BRD7: variants seen among roughly 807,000 people sequenced by gnomAD.
The protein encoded by BRD7 is bromodomain containing 7.
Under a neutral mutation model 82.1 loss-of-function variants are expected in BRD7, and 15 were observed. The ratio of observed to expected loss-of-function variants is 0.18; its 90% confidence interval spans 0.12 to 0.28. BRD7 has a LOEUF of 0.28. Among genes scored for constraint, BRD7 ranks in the 10% least tolerant of loss-of-function variants. The pLI, the probability that BRD7 is intolerant of heterozygous loss-of-function variation, is 1.00. For synonymous variants in BRD7, 232 were observed against 266.9 expected (o/e 0.87, Z 1.27); for missense variants, 638 against 779.9 (o/e 0.82, Z 2.17).
rs148860109 is a variant in BRD7, at chr16:50,365,637, G to A, written c.258+2453C>T. On this transcript the variant is annotated intron_variant, in intron 2 of 16. Coordinates refer to ENST00000394688, the MANE Select transcript of BRD7 (RefSeq NM_013263.5). ...AAGAATATACTGCATCTAAAACCAA[G>A]AACAGGGTGCTAATTCAAAAAGGAC... is the stretch of plus-strand genomic sequence containing the variant. 1.9e-4 allele frequency among the ~76,000 whole-genome samples: 29 copies of A among 152,184 alleles called. 1 individual carries two copies. The highest frequency in any genetic ancestry group is 7.0e-4 in the African/African-American group (29 of 41,516).
At chr16:50,323,310 C>T (rs1399724579) in intron 12 of BRD7, among the ~76,000 whole-genome samples, 1 of 152,216 alleles carries the variant, frequency 6.6e-6, no homozygotes, top group Non-Finnish European at 1.5e-5. Context: ...TTAGAGGACA[C>T]AATGCCCACT....
chr16:50,325,724 T>C (rs1407610988), intron 11 of BRD7, 24 bp downstream of exon 11: 1 of 1,569,792 alleles, frequency 6.4e-7, no homozygotes, highest in South Asian at 1.2e-5. Flanking sequence ...ACAAATGTAA[T>C]CAGAATATTA....
intron 7 of BRD7, among the ~76,000 whole-genome samples, chr16:50,334,296 G>A (rs887506917): frequency 6.6e-6 from 1 of 152,158 alleles, no homozygotes; most frequent in Admixed American, 6.5e-5. Context: ...GGAAAACATG[G>A]GCACGCTGCA....
Position 50,325,527 on chromosome 16 carries a change from T to A in BRD7, c.1331+221A>T, listed in dbSNP as rs185099335. On this transcript the variant is annotated intron_variant, in intron 11 of 16. Transcript: ENST00000394688. Reference sequence around the variant, plus strand: ...TACAGTCTCTTTAAAAATATATTTTTTAAAAATTAAAATACTGCAGATGCT... The same window carrying A: ...TACAGTCTCTTTAAAAATATATTTTATAAAAATTAAAATACTGCAGATGCT... Among the ~76,000 whole-genome samples, 497 of 152,252 alleles carry A rather than the reference T, an allele frequency of 3.3e-3. 10 individuals are homozygous for A. The highest frequency in any genetic ancestry group is 0.023 in the Admixed American group (347 of 15,300).
rs114620242 is a variant in BRD7 at position 50,344,455 on chromosome 16, T to C, written c.592-4369A>G. On this transcript the variant is annotated intron_variant, in intron 5 of 16. Coordinates refer to ENST00000394688, the MANE Select transcript of BRD7 (RefSeq NM_013263.5). Reference sequence around the variant, plus strand: ...GAAGAATGCTTCAGACGATCAGTAATAACAAACTTCTCTGAGCTCAAGGAA... The same window carrying C: ...GAAGAATGCTTCAGACGATCAGTAACAACAAACTTCTCTGAGCTCAAGGAA... Among the ~76,000 whole-genome samples the C allele has an allele frequency of 8.9e-3, 1,355 of 152,176 alleles. 20 individuals are homozygous for C. Among genetic ancestry groups the C allele is most frequent in the African/African-American group, 0.031 (1,284 of 41,526 alleles).
chr16:50,350,559 C>G (rs577492928), intron 4 of BRD7, among the ~76,000 whole-genome samples: 1 of 152,320 alleles, frequency 6.6e-6, no homozygotes, highest in East Asian at 1.9e-4. Flanking sequence ...GAACATACAT[C>G]TACAATCCTC....
At chr16:50,358,600 G>T (rs901209074) in intron 2 of BRD7, among the ~76,000 whole-genome samples, 5 of 152,124 alleles carry the variant, frequency 3.3e-5, no homozygotes, top group African/African-American at 1.2e-4. Flanking sequence ...GCAAGATGGA[G>T]ATTTAACTGT....
chr16:50,337,045 A>G (rs769330713), intron 6 of BRD7, among the ~76,000 whole-genome samples: 3 of 152,150 alleles, frequency 2.0e-5, no homozygotes, highest in Non-Finnish European at 2.9e-5. Flanking sequence ...CCCACTTTAC[A>G]GGACAGGAAA....
intron 2 of BRD7, 58 bp downstream of exon 2, chr16:50,368,032 T>C (rs565351517): frequency 5.0e-5 from 78 of 1,546,898 alleles, no homozygotes; most frequent in Non-Finnish European, 5.7e-5. Context: ...TAAAATGAGG[T>C]TGGCACCTGG....
rs34054323 is a variant in BRD7, at chr16:50,368,275, G to A, written c.73C>T (p.Leu25=). ...YEEYVEKPLK[L]VLKVGGNEVT... ...TCGTTCCCTCCTACTTTGAGGACCA[G>A]CTTCAAGGGCTTCTCTACATACTCT... The change falls in exon 2 of 17, where the codon CTG becomes TTG. Residue 25 remains leucine (L), a synonymous_variant. Transcript: ENST00000394688. 1.4e-5 allele frequency: 22 copies of A among 1,614,174 alleles called. No individual in the cohort carries two copies. The East Asian group carries it at 4.5e-4, about 33-fold the overall frequency.
chr16:50,336,391 A>C (rs958256436), intron 6 of BRD7, among the ~76,000 whole-genome samples: 4 of 152,232 alleles, frequency 2.6e-5, no homozygotes, highest in Non-Finnish European at 5.9e-5. Context: ...ACCAATTTAC[A>C]TACTAATTTA....
At position 50,368,731 on chromosome 16, in the gene BRD7, T is replaced by C. The variant is rs577094512; in HGVS notation, c.44A>G (p.Tyr15Cys). The C allele has an allele frequency of 2.0e-5, 31 of 1,541,610 alleles. No homozygotes were observed. In the East Asian group the frequency reaches 3.0e-4, roughly 15 times the overall value. ...HKKHKSDKHL[Y>C]EEYVEKPLKL... The stretch of plus-strand genomic sequence containing the variant: ...CACCCCGGCCCCCTCCTCACCCTCG[T>C]AGAGGTGTTTGTCCGACTTGTGCTT... The change falls in exon 1 of 17, where the codon TAC becomes TGC. Residue 15 changes from tyrosine (Y) to cysteine (C), a missense_variant. This residue lies in a region of BRD7 where 172 missense variants were observed against 155.3 expected (regional missense o/e 1.11). Transcript: ENST00000394688.
chr16:50,350,914 G>A (rs910995178), intron 4 of BRD7, among the ~76,000 whole-genome samples: 1 of 152,150 alleles, frequency 6.6e-6, no homozygotes, highest in Non-Finnish European at 1.5e-5. Context: ...GAAGGGTAGG[G>A]TCCAGGCAGT....
At chr16:50,341,177 TACACACACACACACACACAC>T (rs57755008) in intron 5 of BRD7, among the ~76,000 whole-genome samples, 40 of 137,302 alleles carry the variant, frequency 2.9e-4, no homozygotes, top group African/African-American at 1.0e-3. Context: ...AGACCTTAAG[TACACACACACACACACACAC>T]ACACACACAC....
At chr16:50,331,429 C>A (rs758394336) in intron 8 of BRD7, among the ~76,000 whole-genome samples, 4 of 152,302 alleles carry the variant, frequency 2.6e-5, no homozygotes, top group African/African-American at 9.6e-5. Context: ...AGGCTGGGCA[C>A]GGTGGCTCAT....
chr16:50,321,289 A>C (rs1223082453), intron 13 of BRD7, among the ~76,000 whole-genome samples: 1 of 152,238 alleles, frequency 6.6e-6, no homozygotes, highest in Non-Finnish European at 1.5e-5. Flanking sequence ...GGCCTGGCGC[A>C]GTGGCTCATG....
Position 50,322,012 on chromosome 16 carries a change from A to G in BRD7, c.1470T>C (p.Thr490=). 5 of 1,611,390 alleles carry G rather than the reference A, an allele frequency of 3.1e-6. No homozygotes were observed. Among genetic ancestry groups the G allele is most frequent in the Non-Finnish European group, 4.2e-6 (5 of 1,179,460 alleles). Reference sequence around the variant, plus strand: ...TTTCTTTTGCTGTGTCAAGTGTCCTAGTATGGCCTTCATCTTCAGGCAATG... The same window carrying G: ...TTTCTTTTGCTGTGTCAAGTGTCCTGGTATGGCCTTCATCTTCAGGCAATG... ...EMSLPEDEGH[T]RTLDTAKEME... is the part of the protein sequence containing the mutation. Residue 490 remains threonine, a synonymous_variant, in exon 13 of 17, where the codon ACT becomes ACC. Transcript: ENST00000394688.
At chr16:50,332,921 G>A (rs929691717) in intron 8 of BRD7, among the ~76,000 whole-genome samples, 1 of 152,096 alleles carries the variant, frequency 6.6e-6, no homozygotes, top group African/African-American at 2.4e-5. Flanking sequence ...TTAAAAGTAG[G>A]AGCTAAATAC....
chr16:50,322,555 G>A (rs1489504876), intron 12 of BRD7, among the ~76,000 whole-genome samples: 1 of 152,136 alleles, frequency 6.6e-6, no homozygotes, highest in African/African-American at 2.4e-5. Context: ...TTCTTTGAAA[G>A]GTTGTGAGTT....
Sources: gnomAD v4.1 joint callset for allele counts (sites outside exome capture counted in the v4.1 genomes callset) on GRCh38, gnomAD v4.1.1 for gene constraint, gnomAD v4.1.1 regional missense constraint, MANE v1.5 for transcripts, NCBI Gene and HGNC (gene_info 2026-07-23, HGNC 2026-07-21) for gene names.